KDM5B: variants seen among roughly 807,000 people sequenced by gnomAD.
The protein encoded by KDM5B is lysine demethylase 5B.
A neutral mutation model predicts 193.4 loss-of-function variants in KDM5B; 144 were observed. That is an observed-to-expected ratio of 0.74 (90% CI 0.65 to 0.86). The LOEUF (loss-of-function observed/expected upper bound fraction) is 0.86, where lower values mean the gene tolerates loss of function less well. Ranked by LOEUF, KDM5B falls within the 40% of genes least tolerant of loss-of-function variation. The pLI, the probability that KDM5B is intolerant of heterozygous loss-of-function variation, is 0.00. For synonymous variants in KDM5B, 668 were observed against 682.6 expected, an observed-to-expected ratio of 0.98 and a Z score of 0.33; for missense variants, 1,833 against 1,886.9, an observed-to-expected ratio of 0.97 and a Z score of 0.53.
intron 1 of KDM5B, chr1:202,797,018 C>G (rs1657876824): frequency 6.6e-6 from 1 of 152,240 alleles, no homozygotes. Context: ...TCTATCCCCT[C>G]CTATGCTATC....
At chr1:202,764,009 A>G (rs1463140703) in intron 6 of KDM5B, 40 bp downstream of exon 6, 1 of 1,070,330 alleles carries the variant, frequency 9.3e-7, no homozygotes. Flanking sequence ...TTTTTACTTT[A>G]TTTACTTTTT....
intron 1 of KDM5B, among the ~76,000 whole-genome samples, chr1:202,788,052 C>T (rs1657483953): frequency 6.6e-6 from 1 of 152,198 alleles, no homozygotes; most frequent in Non-Finnish European, 1.5e-5. Flanking sequence ...CCCTGCAGAA[C>T]ACCCCATACA....
At chr1:202,791,662 C>A (rs1226929968) in intron 1 of KDM5B, among the ~76,000 whole-genome samples, 1 of 152,124 alleles carries the variant, frequency 6.6e-6, no homozygotes, top group Non-Finnish European at 1.5e-5. Context: ...CTATTCCTTG[C>A]ATACGTCATA....
Position 202,728,883 on chromosome 1 carries a change from G to A in KDM5B, c.*153C>T. ...TTAGTTGTTTTTTCTTTTCTTCAAAGAGTCCTGGAAAAATGATCCCATAAG... is the reference window on the plus strand; with the variant it reads ...TTAGTTGTTTTTTCTTTTCTTCAAAAAGTCCTGGAAAAATGATCCCATAAG... On this transcript the variant is annotated 3_prime_UTR_variant, in exon 27 of 27. Transcript: ENST00000367265. The A allele has an allele frequency of 1.2e-6, 1 of 836,756 alleles. No homozygotes were observed. Among genetic ancestry groups the A allele is most frequent in the African/African-American group, 1.7e-5 (1 of 58,972 alleles). The allele number at this position is 836,756 out of a possible 1,614,324, so 51.8% of individuals were successfully genotyped here.
intron 20 of KDM5B, among the ~76,000 whole-genome samples, chr1:202,739,168 T>C (rs937517054): frequency 2.0e-5 from 3 of 152,290 alleles, no homozygotes; most frequent in African/African-American, 7.2e-5. Flanking sequence ...TATCAAAGAG[T>C]AGAAAACTAC....
At position 202,749,003 on chromosome 1, in the gene KDM5B, T is replaced by C. The variant is rs1330297720; in HGVS notation, c.1958A>G (p.Lys653Arg). 1.5e-5 allele frequency: 25 copies of C among 1,614,018 alleles called. No individual in the cohort carries two copies. The highest frequency in any genetic ancestry group is 1.9e-5 in the Non-Finnish European group (23 of 1,180,028). The change falls in exon 14 of 27, where the codon AAA (lysine) becomes AGA (arginine). Residue 653 changes from lysine (K) to arginine (R), a missense_variant. By Grantham distance (26) the Lys-to-Arg change is conservative. This residue lies in a region of KDM5B where 1,379 missense variants were observed against 1,349.6 expected (regional missense o/e 1.02). Coordinates refer to ENST00000367265, the MANE Select transcript of KDM5B (RefSeq NM_006618.5). Reference protein sequence around the residue: ...LDVVVASTVQKDMAIMIEDEK... With the variant: ...LDVVVASTVQRDMAIMIEDEK... ...ATCCTCAATCATAATGGCCATGTCT[T>C]TCTGAACAGTTGAAGCCACTACAAC...
chr1:202,805,519 T>A (rs567686185), intron 1 of KDM5B, among the ~76,000 whole-genome samples: 3 of 152,214 alleles, frequency 2.0e-5, no homozygotes, highest in African/African-American at 4.8e-5. Flanking sequence ...TCTCCTTACC[T>A]TCTAACAAGT....
chr1:202,728,643 T>C lies in KDM5B; in HGVS notation c.*393A>G, dbSNP rs1654757807. ...TCAAATGAGGATTTACTGGAATTTC[T>C]GGTGGGTGCCCTTTTGGGCACTGGA... is the stretch of plus-strand genomic sequence containing the variant. On this transcript the variant is annotated 3_prime_UTR_variant, in exon 27 of 27. Coordinates refer to ENST00000367265, the MANE Select transcript of KDM5B (RefSeq NM_006618.5). 6.4e-6 allele frequency: 1 copy of C among 157,320 alleles called. No individual in the cohort carries two copies. The highest frequency in any genetic ancestry group is 1.4e-5 in the Non-Finnish European group (1 of 71,104). 9.7% of individuals were successfully genotyped at this position (157,320 alleles called of 1,614,324 possible). A position where few individuals can be genotyped will look rare whatever the true frequency, so the allele number is the denominator to read the frequency against.
rs1553359858 is a variant in KDM5B, at chr1:202,779,842, A to AATAAATAAATAG, written c.205-2749_205-2748insCTATTTATTTAT. 2.6e-5 allele frequency among the ~76,000 whole-genome samples: 4 copies of AATAAATAAATAG among 151,286 alleles called. No homozygotes were observed. In the East Asian group the frequency reaches 5.8e-4, roughly 22 times the overall value. On this transcript the variant is annotated intron_variant, in intron 1 of 26. Transcript: ENST00000367265. ...AAATAAATAAATAAATAAATAAATA[A>AATAAATAAATAG]ATAAAAAATAAAGGAAGAAAAAACA...
intron 7 of KDM5B, among the ~76,000 whole-genome samples, chr1:202,761,000 C>G (rs1183593431): frequency 6.6e-6 from 1 of 151,204 alleles, no homozygotes; most frequent in Non-Finnish European, 1.5e-5. Flanking sequence ...TGCGCTCTAG[C>G]CTGGGTGACA....
chr1:202,770,188 C>T (rs953013612), intron 4 of KDM5B, among the ~76,000 whole-genome samples: 17 of 152,254 alleles, frequency 1.1e-4, no homozygotes, highest in Middle Eastern at 3.4e-3. Flanking sequence ...ATGTTATTAA[C>T]ATACAGACGC....
At chr1:202,739,342 A>G (rs745982134) in intron 20 of KDM5B, among the ~76,000 whole-genome samples, 3 of 152,204 alleles carry the variant, frequency 2.0e-5, no homozygotes, top group East Asian at 1.9e-4. Flanking sequence ...GTACATCCAA[A>G]TAAGTATGAA....
At chr1:202,746,467 C>T (rs1002090306) in intron 14 of KDM5B, 144 bp from the exon 15 acceptor site, 2 of 548,028 alleles carry the variant, frequency 3.6e-6, no homozygotes, top group South Asian at 6.7e-5. Context: ...GTGTGGCATA[C>T]AAAGAAACAA....
At chr1:202,786,668 C>T (rs756059152) in intron 1 of KDM5B, among the ~76,000 whole-genome samples, 18 of 152,162 alleles carry the variant, frequency 1.2e-4, no homozygotes, top group Non-Finnish European at 1.6e-4. Context: ...ACTGCATGTT[C>T]TTTTATTGGG....
chr1:202,786,731 G>A (rs1263233302), intron 1 of KDM5B, among the ~76,000 whole-genome samples: 3 of 152,132 alleles, frequency 2.0e-5, no homozygotes, highest in South Asian at 4.1e-4. Context: ...CAAATGTAAG[G>A]CTTATTACTG....
intron 1 of KDM5B, among the ~76,000 whole-genome samples, chr1:202,805,746 CTG>C (rs550095217): frequency 3.9e-5 from 6 of 152,206 alleles, no homozygotes; most frequent in Non-Finnish European, 7.4e-5. Flanking sequence ...AAAACAAAGA[CTG>C]TTTACATCTC....
At chr1:202,777,196 C>T (rs1038976883) in intron 1 of KDM5B, 102 bp from the exon 2 acceptor site, 1 of 865,306 alleles carries the variant, frequency 1.2e-6, no homozygotes, top group African/African-American at 1.7e-5. Context: ...CTTATTCTAA[C>T]CAATCAAACA....
chr1:202,758,511 C>A lies in KDM5B; in HGVS notation c.1078-1G>T. The stretch of plus-strand genomic sequence containing the variant: ...ATGCTTCTTGTGGCTTACTACATTC[C>A]TGAAAATAAAGAAAATTACGTTCTA... On this transcript the variant is annotated splice_acceptor_variant, in intron 8 of 26. Transcript: ENST00000367265. LOFTEE classifies it high-confidence loss of function. The A allele has an allele frequency of 6.2e-7, 1 of 1,603,890 alleles. No individual in the cohort carries two copies. Among genetic ancestry groups the A allele is most frequent in the Non-Finnish European group, 8.5e-7 (1 of 1,172,158 alleles).
rs1572722188 is a variant in KDM5B at position 202,748,668 on chromosome 1, A to G, written c.2016+277T>C. 1.3e-5 allele frequency among the ~76,000 whole-genome samples: 2 copies of G among 152,310 alleles called. 1 individual carries two copies. Among genetic ancestry groups the G allele is most frequent in the East Asian group, 3.9e-4 (2 of 5,190 alleles). The stretch of plus-strand genomic sequence containing the variant: ...TGGATAGCTTGAACCCAGGAGTTTG[A>G]GACCAGCCTGGGCAACATAGTGAGA... On this transcript the variant is annotated intron_variant, in intron 14 of 26. Transcript: ENST00000367265.
Sources: gnomAD v4.1 joint callset for allele counts (sites outside exome capture counted in the v4.1 genomes callset) on GRCh38, gnomAD v4.1.1 for gene constraint, gnomAD v4.1.1 regional missense constraint, MANE v1.5 for transcripts, NCBI Gene and HGNC (gene_info 2026-07-23, HGNC 2026-07-21) for gene names.